TTC28: variants seen among roughly 807,000 people sequenced by gnomAD.
The protein encoded by TTC28 is tetratricopeptide repeat domain 28.
A neutral mutation model predicts 198.0 loss-of-function variants in TTC28; 61 were observed. That is an observed-to-expected ratio of 0.31 (90% confidence interval 0.25 to 0.38). The LOEUF is 0.38. Ranked by LOEUF, TTC28 falls within the 10% of genes least tolerant of loss-of-function variation. The pLI is 1.00. For synonymous variants in TTC28, 1,171 were observed against 1,297.8 expected (o/e 0.90, Z 2.10); for missense variants, 2,678 against 3,164.0 (o/e 0.85, Z 3.69).
chr22:28,035,084 T>C (rs887782394), intron 12 of TTC28, among the ~76,000 whole-genome samples: 1 of 152,194 alleles, frequency 6.6e-6, no homozygotes, highest in African/African-American at 2.4e-5. Context: ...AGAACACGCT[T>C]GCTCCCTGCC....
At chr22:28,040,925 A>G (rs970793719) in intron 12 of TTC28, among the ~76,000 whole-genome samples, 5 of 152,192 alleles carry the variant, frequency 3.3e-5, no homozygotes, top group African/African-American at 1.2e-4. Context: ...AAACACAAGC[A>G]TTCCTCTACA....
At chr22:28,032,181 TATATATAAA>T (rs1483411243) in intron 12 of TTC28, among the ~76,000 whole-genome samples, 4 of 75,582 alleles carry the variant, frequency 5.3e-5, no homozygotes, top group African/African-American at 2.4e-4. Context: ...TATATATATA[TATATATAAA>T]ATATATATAT....
chr22:28,350,739 A>G (rs1009263227), intron 2 of TTC28, among the ~76,000 whole-genome samples: 2 of 152,200 alleles, frequency 1.3e-5, no homozygotes, highest in African/African-American at 4.8e-5. Context: ...TTAACACACA[A>G]AAGTAGAAAA....
chr22:27,985,674 T>C, intron 21 of TTC28: 1 of 226,628 alleles, frequency 4.4e-6, no homozygotes, highest in Non-Finnish European at 9.2e-6. Context: ...TGTTTTCTTT[T>C]CCATTTTTTT....
intron 8 of TTC28, among the ~76,000 whole-genome samples, chr22:28,104,884 A>G (rs1449934898): frequency 6.6e-6 from 1 of 152,168 alleles, no homozygotes; most frequent in Non-Finnish European, 1.5e-5. Flanking sequence ...TTTTCTTCTG[A>G]TTCGAACCCT....
chr22:28,186,181 T>C (rs1205076439), intron 5 of TTC28, among the ~76,000 whole-genome samples: 2 of 152,140 alleles, frequency 1.3e-5, no homozygotes, highest in African/African-American at 4.8e-5. Flanking sequence ...TACACTGATG[T>C]TTTTTGAGCA....
rs1942059198 is a variant in TTC28, at chr22:28,099,027, G to A, written c.3435C>T (p.Ala1145=). 1 of 1,551,996 alleles carries A rather than the reference G, an allele frequency of 6.4e-7. No homozygotes were observed. The highest frequency in any genetic ancestry group is 8.7e-7 in the Non-Finnish European group (1 of 1,147,054). Residue 1145 remains alanine, a synonymous_variant, in exon 10 of 23, where the codon GCC becomes GCT. Coordinates refer to ENST00000397906, the MANE Select transcript of TTC28 (RefSeq NM_001145418.2). ...EAQHQLYRAS[A]LFETIRHEAQ... ...CCTCATGTCGGATTGTTTCAAACAA[G>A]GCTGATGCCCTATAAAGCTGCAAGG...
At chr22:27,988,357 G>A (rs573290933) in intron 21 of TTC28, among the ~76,000 whole-genome samples, 115 of 147,462 alleles carry the variant, frequency 7.8e-4, no homozygotes, top group Middle Eastern at 3.6e-3. Context: ...GCGCGATCTC[G>A]GCTCACAGCA....
At chr22:28,208,717 CTA>C (rs756419334) in intron 5 of TTC28, among the ~76,000 whole-genome samples, 14 of 152,028 alleles carry the variant, frequency 9.2e-5, no homozygotes, top group East Asian at 3.9e-4. Context: ...AGTATTTTAA[CTA>C]TATATATATG....
At chr22:28,461,476 G>A (rs762598010) in intron 2 of TTC28, among the ~76,000 whole-genome samples, 35 of 150,984 alleles carry the variant, frequency 2.3e-4, no homozygotes, top group Middle Eastern at 3.4e-3. Context: ...TCACTCTGCC[G>A]CCCAGGCTGG....
chr22:28,420,821 G>A (rs541200527), intron 2 of TTC28, among the ~76,000 whole-genome samples: 37 of 152,096 alleles, frequency 2.4e-4, no homozygotes, highest in Non-Finnish European at 4.3e-4. Flanking sequence ...GGCTGGTCTC[G>A]AACTCCTGAC....
intron 5 of TTC28, among the ~76,000 whole-genome samples, chr22:28,170,611 T>G (rs923260305): frequency 1.1e-4 from 17 of 152,204 alleles, no homozygotes; most frequent in Admixed American, 7.9e-4. Flanking sequence ...TCTCTTCTTG[T>G]CTTCTTCCAC....
At chr22:28,247,304 A>G (rs942813908) in intron 5 of TTC28, among the ~76,000 whole-genome samples, 1 of 152,182 alleles carries the variant, frequency 6.6e-6, no homozygotes, top group African/African-American at 2.4e-5. Context: ...CTTCAGCATG[A>G]ACTTTCTCAT....
At chr22:27,987,481 C>G (rs560688508) in intron 21 of TTC28, among the ~76,000 whole-genome samples, 8 of 152,250 alleles carry the variant, frequency 5.3e-5, no homozygotes, top group African/African-American at 1.9e-4. Flanking sequence ...CCTATAATCC[C>G]AACACTTTGG....
chr22:28,254,515 A>C (rs1453009988), intron 5 of TTC28, among the ~76,000 whole-genome samples: 1 of 151,600 alleles, frequency 6.6e-6, no homozygotes, highest in African/African-American at 2.4e-5. Flanking sequence ...GTCTGGTTAG[A>C]TAAGAGGCTG....
At chr22:28,581,133 T>C (rs1028458796) in intron 2 of TTC28, among the ~76,000 whole-genome samples, 1 of 152,114 alleles carries the variant, frequency 6.6e-6, no homozygotes, top group African/African-American at 2.4e-5. Context: ...AGGGGGCAGA[T>C]TTCCCCCTTG....
chr22:28,155,994 A>G (rs557746351), intron 6 of TTC28, among the ~76,000 whole-genome samples: 1 of 152,348 alleles, frequency 6.6e-6, no homozygotes, highest in Non-Finnish European at 1.5e-5. Flanking sequence ...TAATAAAAAA[A>G]TAATCTTCAT....
At chr22:28,002,281 A>G in intron 14 of TTC28, 1 of 152,726 alleles carries the variant, frequency 6.5e-6, no homozygotes, top group Non-Finnish European at 1.5e-5. Context: ...AGCTGGGTCC[A>G]CACAGACTGC....
intron 2 of TTC28, among the ~76,000 whole-genome samples, chr22:28,334,344 T>C (rs1207962093): frequency 6.6e-6 from 1 of 152,216 alleles, no homozygotes; most frequent in Non-Finnish European, 1.5e-5. Context: ...CAGCATGTTT[T>C]ATAATCCTTT....
Sources: allele counts gnomAD v4.1 joint callset (sites outside exome capture counted in the v4.1 genomes callset), GRCh38; gene constraint gnomAD v4.1.1; transcripts MANE v1.5; gene names NCBI Gene and HGNC (gene_info 2026-07-23, HGNC 2026-07-21).